The following TTLL1 variants were observed in gnomAD, a reference collection of about 807,000 sequenced individuals.
TTLL1 encodes the protein TTL family tubulin polyglutamylase complex subunit L1.
A neutral mutation model predicts 47.8 loss-of-function variants in TTLL1; 33 were observed. The ratio of observed to expected loss-of-function variants is 0.69; its 90% CI spans 0.52 to 0.92. The LOEUF is 0.92. Ranked by LOEUF, TTLL1 falls within the 40% of genes least tolerant of loss-of-function variation. The probability of loss-of-function intolerance (pLI) is 0.00; values close to 1 mark genes in which losing one functional copy is unlikely to be tolerated. For synonymous variants in TTLL1, 225 were observed against 214.1 expected (o/e 1.05, Z -0.45); for missense variants, 488 against 547.5 (o/e 0.89, Z 1.08).
At chr22:43,054,706 G>A (rs1200785742) in intron 8 of TTLL1, among the ~76,000 whole-genome samples, 1 of 147,580 alleles carries the variant, frequency 6.8e-6, no homozygotes, top group Non-Finnish European at 1.5e-5. Flanking sequence ...TTACAAGCAT[G>A]AGCCACTGCA....
At chr22:43,056,462 C>CTTTTTTTT (rs1052016247) in intron 8 of TTLL1, among the ~76,000 whole-genome samples, 4 of 103,696 alleles carry the variant, frequency 3.9e-5, no homozygotes, top group Non-Finnish European at 6.0e-5. Context: ...TTCTTCTTGT[C>CTTTTTTTT]TTTTTTTTTT....
intron 1 of TTLL1, among the ~76,000 whole-genome samples, chr22:43,085,046 T>C (rs1396648282): frequency 4.1e-5 from 6 of 146,678 alleles, no homozygotes; most frequent in African/African-American, 1.5e-4. Context: ...CAGCTCACTG[T>C]AACCTCCACT....
In TTLL1 at chr22:43,082,462, T is replaced by A. The variant is rs141138330; in HGVS notation, c.-89-2476A>T. Among the ~76,000 whole-genome samples the A allele has an allele frequency of 1.5e-4, 23 of 152,290 alleles. No individual in the cohort carries two copies. The East Asian group carries it at 4.2e-3, about 28-fold the overall frequency. On this transcript the variant is annotated intron_variant, in intron 1 of 10. Coordinates refer to ENST00000266254, the MANE Select transcript of TTLL1 (RefSeq NM_012263.5). The stretch of plus-strand genomic sequence containing the variant: ...GGGGCGTAGTGGCTCATGCCTGTAA[T>A]CCCAGCACTTTGGAAGGCTGAGGTG...
chr22:43,042,128 G>C (rs1472005118), intron 10 of TTLL1, among the ~76,000 whole-genome samples: 2 of 152,194 alleles, frequency 1.3e-5, no homozygotes, highest in Non-Finnish European at 2.9e-5. Flanking sequence ...TCCCTGGCCA[G>C]GGGGCTGCAG....
At chr22:43,053,812 G>A (rs149946688) in intron 8 of TTLL1, among the ~76,000 whole-genome samples, 1 of 152,232 alleles carries the variant, frequency 6.6e-6, no homozygotes, top group Non-Finnish European at 1.5e-5. Flanking sequence ...GGCCCAGAAG[G>A]AGTCGTTCAG....
At position 43,039,804 on chromosome 22, in the gene TTLL1, C is replaced by A; in HGVS notation, c.1244G>T (p.Gly415Val). The stretch of plus-strand genomic sequence containing the variant: ...CTTCCAGGTGGTGAGGACCGCTCTC[C>A]CCGAGTCTCTCGATCGGCCTGCTCT... ...GPRAGRSRDS[G>V]RAVLTTWK Residue 415 changes from glycine (G) to valine (V), a missense_variant, in exon 11 of 11, where the codon GGG becomes GTG. Physicochemically the swap from Gly to Val is moderately radical, Grantham distance 109 (BLOSUM62 -3). Transcript: ENST00000266254. 1 of 1,613,892 alleles carries A rather than the reference C, an allele frequency of 6.2e-7. No individual in the cohort carries two copies. The highest frequency in any genetic ancestry group is 1.1e-5 in the South Asian group (1 of 91,060).
chr22:43,070,026 C>T, intron 3 of TTLL1, 182 bp from the exon 4 acceptor site: 1 of 1,211,536 alleles, frequency 8.3e-7, no homozygotes, highest in African/African-American at 1.5e-5. Context: ...CAGGGACAGG[C>T]CGGGACCCAA....
At chr22:43,060,994 G>C (rs754150414) in intron 7 of TTLL1, among the ~76,000 whole-genome samples, 6 of 152,034 alleles carry the variant, frequency 3.9e-5, no homozygotes, top group Non-Finnish European at 5.9e-5. Flanking sequence ...TCAGGAGTTC[G>C]AGACCAGCCT....
chr22:43,043,445 C>G (rs1309931068), intron 10 of TTLL1, among the ~76,000 whole-genome samples: 1 of 152,024 alleles, frequency 6.6e-6, no homozygotes, highest in African/African-American at 2.4e-5. Context: ...ACTCACAGAC[C>G]CCCTCAGTCC....
At chr22:43,064,069 C>A in intron 6 of TTLL1, 121 bp downstream of exon 6, 1 of 1,514,390 alleles carries the variant, frequency 6.6e-7, no homozygotes, top group South Asian at 1.3e-5. Context: ...TCCCTCAATC[C>A]CTGCCCCGTG....
At chr22:43,066,821 C>G (rs967094085) in intron 5 of TTLL1, among the ~76,000 whole-genome samples, 1 of 151,484 alleles carries the variant, frequency 6.6e-6, no homozygotes, top group African/African-American at 2.4e-5. Context: ...AAAACCCCAT[C>G]TCTACTAAAA....
intron 4 of TTLL1, 79 bp from the exon 5 acceptor site, chr22:43,068,669 T>C (rs1927909016): frequency 7.6e-6 from 10 of 1,307,326 alleles, no homozygotes; most frequent in Non-Finnish European, 9.0e-6. Context: ...GCCCTTGCCT[T>C]TCCAGGGCCT....
intron 10 of TTLL1, among the ~76,000 whole-genome samples, chr22:43,045,779 C>T (rs1267542625): frequency 6.6e-6 from 1 of 151,872 alleles, no homozygotes; most frequent in African/African-American, 2.4e-5. Context: ...AGCACTCCAC[C>T]CAGCCTACTC....
chr22:43,069,492 C>T (rs1171174727), intron 4 of TTLL1, 144 bp downstream of exon 4: 17 of 1,425,714 alleles, frequency 1.2e-5, no homozygotes, highest in South Asian at 6.9e-5. Flanking sequence ...ATTCTGGAGA[C>T]ACCTGAAATG....
intron 8 of TTLL1, among the ~76,000 whole-genome samples, chr22:43,056,462 C>CTTT (rs1052016247): frequency 3.9e-5 from 4 of 103,702 alleles, no homozygotes; most frequent in African/African-American, 1.1e-4. Context: ...TTCTTCTTGT[C>CTTT]TTTTTTTTTT....
rs1441964823 is a variant in TTLL1, at chr22:43,055,520, CAG to C, written c.892-3635_892-3634del. 1.2e-4 allele frequency among the ~76,000 whole-genome samples: 19 copies of C among 152,160 alleles called. No individual in the cohort carries two copies. The East Asian group carries it at 3.5e-3, about 28-fold the overall frequency. On this transcript the variant is annotated intron_variant, in intron 8 of 10. Transcript: ENST00000266254. ...CTAATTTTTGTATTTTTTGTAGAGA[CAG>C]AGTCTCGCATGTTGCCCAGGCTGGT...
chr22:43,085,152 A>G (rs1929152614), intron 1 of TTLL1, among the ~76,000 whole-genome samples: 2 of 151,214 alleles, frequency 1.3e-5, no homozygotes, highest in Admixed American at 6.6e-5. Flanking sequence ...AATTTTTTGT[A>G]TTTTTAATAG....
At chr22:43,080,839 T>A (rs571281340) in intron 1 of TTLL1, among the ~76,000 whole-genome samples, 1 of 149,144 alleles carries the variant, frequency 6.7e-6, no homozygotes, top group African/African-American at 2.5e-5. Context: ...GCCCTTTAAG[T>A]ACATTCCTTC....
chr22:43,080,718 A>G (rs1342900280), intron 1 of TTLL1, among the ~76,000 whole-genome samples: 2 of 140,144 alleles, frequency 1.4e-5, no homozygotes, highest in Non-Finnish European at 3.2e-5. Context: ...CTCCCTCCAC[A>G]GAGAGCCATT....
Sources: allele counts gnomAD v4.1 joint callset (sites outside exome capture counted in the v4.1 genomes callset), GRCh38; gene constraint gnomAD v4.1.1; transcripts MANE v1.5; gene names NCBI Gene and HGNC (gene_info 2026-07-23, HGNC 2026-07-21).